The following CEMIP2 variants were observed in gnomAD, a reference collection of about 807,000 sequenced individuals.
CEMIP2 encodes cell surface hyaluronidase CEMIP2.
A neutral mutation model predicts 146.9 loss-of-function variants in CEMIP2; 79 were observed. The ratio of observed to expected loss-of-function variants is 0.54; its 90% CI spans 0.45 to 0.65. The LOEUF is 0.65. CEMIP2 is among the 30% of genes least tolerant of loss of function. The pLI is 0.00. For synonymous variants in CEMIP2, 601 were observed against 606.3 expected (o/e 0.99, Z 0.13); for missense variants, 1,596 against 1,696.2 (o/e 0.94, Z 1.04).
At chr9:71,699,622 C>T (rs1231807476) in intron 19 of CEMIP2, among the ~76,000 whole-genome samples, 2 of 152,102 alleles carry the variant, frequency 1.3e-5, no homozygotes, top group East Asian at 3.8e-4. Flanking sequence ...TGAGCCCCGA[C>T]TTCATTCCCC....
At chr9:71,736,604 G>A (rs62549260) in intron 5 of CEMIP2, among the ~76,000 whole-genome samples, 10,760 of 152,178 alleles carry the variant, frequency 0.071, 540 homozygotes, top group South Asian at 0.19. Flanking sequence ...TTAGTTCCCA[G>A]TTAAGCAGAC....
rs750232631 is a variant in CEMIP2, at chr9:71,745,038, C to T, written c.1014G>A (p.Leu338=). 1 of 1,613,924 alleles carries T rather than the reference C, an allele frequency of 6.2e-7. No individual in the cohort carries two copies. The highest frequency in any genetic ancestry group is 1.1e-5 in the South Asian group (1 of 91,072). Residue 338 remains leucine, a synonymous_variant, in exon 4 of 24, where the codon CTG becomes CTA. Transcript: ENST00000377044. The part of the protein sequence containing the change: ...QMIQERLGSE[L]IQGLGYRQAW... Reference sequence around the variant, plus strand: ...CCTACCTGTAGCCCAGTCCTTGGATCAGTTCACTTCCCAACCGTTCCTGGA... The same window carrying T: ...CCTACCTGTAGCCCAGTCCTTGGATTAGTTCACTTCCCAACCGTTCCTGGA...
chr9:71,761,154 T>G (rs1824623508), intron 1 of CEMIP2, among the ~76,000 whole-genome samples: 1 of 152,186 alleles, frequency 6.6e-6, no homozygotes, highest in Admixed American at 6.5e-5. Context: ...AAAGTCGAAG[T>G]CTGTCCTGAC....
chr9:71,759,957 A>G (rs976329082), intron 1 of CEMIP2, among the ~76,000 whole-genome samples: 2 of 151,768 alleles, frequency 1.3e-5, no homozygotes, highest in African/African-American at 2.4e-5. Context: ...TATTGCGGTG[A>G]AGTATTTTTA....
intron 20 of CEMIP2, among the ~76,000 whole-genome samples, chr9:71,695,628 C>A (rs532956735): frequency 6.6e-6 from 1 of 152,004 alleles, no homozygotes; most frequent in African/African-American, 2.4e-5. Context: ...GAGCTGAGAT[C>A]GTACCACTGC....
Position 71,750,129 on chromosome 9 carries a change from G to A in CEMIP2, c.245C>T (p.Thr82Ile). The A allele has an allele frequency of 6.2e-7, 1 of 1,613,852 alleles. No homozygotes were observed. Among genetic ancestry groups the A allele is most frequent in the East Asian group, 2.2e-5 (1 of 44,732 alleles). Reference protein sequence around the residue: ...ESQKQKRHKNTFICFAITSFS... With the variant: ...ESQKQKRHKNIFICFAITSFS... Reference sequence around the variant, plus strand: ...ACTAGTAATAGCAAAACAAATGAAAGTATTTTTGTGTCTCTTTTGCTTTTG... The same window carrying A: ...ACTAGTAATAGCAAAACAAATGAAAATATTTTTGTGTCTCTTTTGCTTTTG... The change falls in exon 2 of 24, where the codon ACT becomes ATT. Residue 82 changes from threonine to isoleucine, a missense_variant. Transcript: ENST00000377044.
In CEMIP2 at chr9:71,683,383, T is replaced by A. The variant is rs547436061; in HGVS notation, c.*1814A>T. On this transcript the variant is annotated 3_prime_UTR_variant, in exon 24 of 24. Transcript: ENST00000377044. The stretch of plus-strand genomic sequence containing the variant: ...CACATATATAAAATACATGCACACA[T>A]ATTTTTATTTAACTTAGGCCCTGAT... The A allele has an allele frequency of 6.6e-6, 1 of 152,340 alleles. No individual in the cohort carries two copies. The highest frequency in any genetic ancestry group is 1.9e-4 in the East Asian group (1 of 5,180). The allele number at this position is 152,340 out of a possible 1,614,324, so 9.4% of individuals were successfully genotyped here.
intron 16 of CEMIP2, among the ~76,000 whole-genome samples, chr9:71,710,587 A>G (rs959059228): frequency 6.6e-6 from 1 of 152,230 alleles, no homozygotes; most frequent in Non-Finnish European, 1.5e-5. Context: ...CTGGACTTAA[A>G]CAATATGGAT....
chr9:71,720,052 AAT>A (rs1485761075), intron 12 of CEMIP2, among the ~76,000 whole-genome samples: 6 of 152,144 alleles, frequency 3.9e-5, no homozygotes, highest in Non-Finnish European at 7.4e-5. Context: ...GCATATAGAC[AAT>A]AGTTACTTTT....
chr9:71,702,160 A>C (rs1332653135), intron 18 of CEMIP2, among the ~76,000 whole-genome samples: 2 of 151,242 alleles, frequency 1.3e-5, no homozygotes, highest in Non-Finnish European at 2.9e-5. Context: ...TGGGAGGCTT[A>C]GGTAGGAGGA....
chr9:71,733,436 GT>G (rs1188733605), intron 6 of CEMIP2, among the ~76,000 whole-genome samples: 10 of 152,204 alleles, frequency 6.6e-5, no homozygotes, highest in Middle Eastern at 3.4e-3. Context: ...TAGTTTTGGG[GT>G]TTTTTTGTTG....
intron 1 of CEMIP2, among the ~76,000 whole-genome samples, chr9:71,766,458 C>T (rs1440595845): frequency 6.6e-6 from 1 of 152,198 alleles, no homozygotes; most frequent in Non-Finnish European, 1.5e-5. Context: ...AGTACCCTGT[C>T]AACTTCAAGA....
At position 71,685,275 on chromosome 9, in the gene CEMIP2, G is replaced by A. The variant is rs753120933; in HGVS notation, c.4074C>T (p.Asp1358=). ...VLEQFIPLQL[D]EYGCPRATTV... is the part of the protein sequence containing the mutation. Reference sequence around the variant, plus strand: ...TGGTGGCTCTGGGACAACCATATTCGTCCAGCTGCAAAGGTATGAATTGTT... The same window carrying A: ...TGGTGGCTCTGGGACAACCATATTCATCCAGCTGCAAAGGTATGAATTGTT... Residue 1358 remains aspartate, a synonymous_variant, in exon 24 of 24, where the codon GAC becomes GAT. Coordinates refer to ENST00000377044, the MANE Select transcript of CEMIP2 (RefSeq NM_013390.3). 4.6e-5 allele frequency: 75 copies of A among 1,612,998 alleles called. No individual in the cohort carries two copies. The Admixed American group carries it at 4.7e-4, about 10-fold the overall frequency.
At chr9:71,739,945 C>A (rs1823866456) in intron 5 of CEMIP2, 118 bp downstream of exon 5, 3 of 947,152 alleles carry the variant, frequency 3.2e-6, no homozygotes, top group African/African-American at 3.3e-5. Flanking sequence ...TCAACTTCAA[C>A]TAGTTGAGAA....
Position 71,732,338 on chromosome 9 carries a change from T to C in CEMIP2, c.1563+13A>G. On this transcript the variant is annotated intron_variant, in intron 7 of 23. Coordinates refer to ENST00000377044, the MANE Select transcript of CEMIP2 (RefSeq NM_013390.3). ...CCAGGATTTCAAAGAAATAATCAAA[T>C]CCTTTTGCCTACCATAATGTGTCCC... 6.3e-7 allele frequency: 1 copy of C among 1,575,800 alleles called. No individual in the cohort carries two copies. Among genetic ancestry groups the C allele is most frequent in the South Asian group, 1.2e-5 (1 of 84,506 alleles).
At chr9:71,738,417 A>G (rs184820467) in intron 5 of CEMIP2, among the ~76,000 whole-genome samples, 1 of 152,268 alleles carries the variant, frequency 6.6e-6, no homozygotes. Context: ...TGGGAGCCTG[A>G]GGCAGGAGAA....
intron 22 of CEMIP2, among the ~76,000 whole-genome samples, chr9:71,689,379 C>T (rs1420963687): frequency 6.6e-6 from 1 of 152,196 alleles, no homozygotes; most frequent in Non-Finnish European, 1.5e-5. Flanking sequence ...TATAAATCAA[C>T]ATCTGCGGCA....
chr9:71,706,322 C>G (rs1213014747), intron 17 of CEMIP2, among the ~76,000 whole-genome samples: 1 of 151,564 alleles, frequency 6.6e-6, no homozygotes, highest in African/African-American at 2.4e-5. Flanking sequence ...GATCCAATTG[C>G]TCCCATTTTT....
At chr9:71,717,277 A>G (rs1379761942) in intron 13 of CEMIP2, among the ~76,000 whole-genome samples, 1 of 152,208 alleles carries the variant, frequency 6.6e-6, no homozygotes, top group Non-Finnish European at 1.5e-5. Context: ...TTTAAAAACA[A>G]CTAGACTGTG....
Sources: gnomAD v4.1 joint callset for allele counts (sites outside exome capture counted in the v4.1 genomes callset) on GRCh38, gnomAD v4.1.1 for gene constraint, MANE v1.5 for transcripts, NCBI Gene and HGNC (gene_info 2026-07-23, HGNC 2026-07-21) for gene names.